The following GLUD1 variants were observed in gnomAD, a reference collection of about 807,000 sequenced individuals.
GLUD1 encodes glutamate dehydrogenase 1.
In GLUD1, 22 loss-of-function variants were observed where a neutral mutation model predicts 56.0. That is an observed-to-expected ratio of 0.39 (90% CI 0.28 to 0.56). The LOEUF is 0.56. Among genes scored for constraint, GLUD1 ranks in the 20% least tolerant of loss-of-function variants. The pLI, the probability that GLUD1 is intolerant of heterozygous loss-of-function variation, is 0.58. For missense variants in GLUD1, 451 were observed against 732.0 expected (o/e 0.62, Z 4.43); for synonymous variants, 223 against 269.9 (o/e 0.83, Z 1.70).
chr10:87,050,319 CAA>C lies in GLUD1; in HGVS notation c.*1430_*1431del, dbSNP rs769832697. ...TTCTCTGAACGTGTAAAGCACCGAA[CAA>C]AAAAAAAAAAAACAATTCAAGAATA... On this transcript the variant is annotated 3_prime_UTR_variant, in exon 13 of 13. Coordinates refer to ENST00000277865, the MANE Select transcript of GLUD1 (RefSeq NM_005271.5). Among the ~76,000 whole-genome samples the C allele has an allele frequency of 9.8e-5, 7 of 71,392 alleles. No individual in the cohort carries two copies. The highest frequency in any genetic ancestry group is 3.8e-4 in the Admixed American group (3 of 7,822). 46.8% of individuals were successfully genotyped at this position (71,392 alleles called of 152,430 possible). A position where few individuals can be genotyped will look rare whatever the true frequency, so the allele number is the denominator to read the frequency against.
intron 12 of GLUD1, among the ~76,000 whole-genome samples, chr10:87,052,389 G>A (rs887999046): frequency 6.6e-6 from 1 of 152,104 alleles, no homozygotes; most frequent in Non-Finnish European, 1.5e-5. Flanking sequence ...TCGGGAGACT[G>A]AGGAAGGAGA....
At chr10:87,083,043 C>A (rs981943364) in intron 1 of GLUD1, among the ~76,000 whole-genome samples, 2 of 152,064 alleles carry the variant, frequency 1.3e-5, no homozygotes, top group African/African-American at 4.8e-5. Context: ...GAGTTTGAGA[C>A]CAGCTTGGCC....
intron 1 of GLUD1, chr10:87,089,790 T>C: frequency 2.3e-6 from 2 of 858,816 alleles, no homozygotes; most frequent in Non-Finnish European, 2.8e-6. Context: ...TTTCTGCCTC[T>C]GGAAAGGGGA....
chr10:87,064,104 A>C (rs1285414771), intron 5 of GLUD1, among the ~76,000 whole-genome samples: 5 of 152,062 alleles, frequency 3.3e-5, no homozygotes, highest in Non-Finnish European at 4.4e-5. Flanking sequence ...TTTAGTAGAG[A>C]GTAACATCCT....
intron 1 of GLUD1, among the ~76,000 whole-genome samples, chr10:87,078,536 C>T (rs927911474): frequency 3.8e-4 from 58 of 152,278 alleles, no homozygotes; most frequent in African/African-American, 1.4e-3. Flanking sequence ...TGCTTTAATT[C>T]CTGGTTCCTA....
intron 1 of GLUD1, among the ~76,000 whole-genome samples, chr10:87,086,599 G>A (rs1354372674): frequency 1.1e-4 from 16 of 151,746 alleles, no homozygotes; most frequent in Middle Eastern, 3.4e-3. Flanking sequence ...CGAGGCGGGC[G>A]GATCATGAGG....
intron 6 of GLUD1, 58 bp from the exon 7 acceptor site, chr10:87,061,110 G>A (rs907769371): frequency 4.8e-6 from 7 of 1,471,702 alleles, no homozygotes; most frequent in Admixed American, 3.3e-5. Flanking sequence ...GACAGCAAGA[G>A]TCATATTTTG....
rs1841630629 is a variant in GLUD1 at position 87,094,038 on chromosome 10, C to G, written c.445+287G>C. 1.3e-6 allele frequency: 2 copies of G among 1,495,914 alleles called. No homozygotes were observed. The highest frequency in any genetic ancestry group is 1.8e-6 in the Non-Finnish European group (2 of 1,121,518). 92.7% of individuals were successfully genotyped at this position (1,495,914 alleles called of 1,614,324 possible). ...CCGTGTGTGACACAGACACCGGGAC[C>G]AAAAGGAGACCGGTGCAGCGTCTAC... is the stretch of plus-strand genomic sequence containing the variant. On this transcript the variant is annotated intron_variant, in intron 1 of 12. Coordinates refer to ENST00000277865, the MANE Select transcript of GLUD1 (RefSeq NM_005271.5). This position sits in a 1 kb window ranked among gnomAD's most constrained non-coding sequence, Gnocchi z 6.6.
At position 87,059,175 on chromosome 10, in the gene GLUD1, T is replaced by C; in HGVS notation, c.1377A>G (p.Glu459=). Residue 459 remains glutamate, a synonymous_variant, in exon 10 of 13, where the codon GAA becomes GAG. Coordinates refer to ENST00000277865, the MANE Select transcript of GLUD1 (RefSeq NM_005271.5). ...TGAGCAAGTGGTAGTTAGAATCCCT[T>C]TCATATTTGAAGGTCAAACGGCCAT... ...VSYGRLTFKY[E]RDSNYHLLMS... 1 of 1,613,346 alleles carries C rather than the reference T, an allele frequency of 6.2e-7. No individual in the cohort carries two copies. Among genetic ancestry groups the C allele is most frequent in the Non-Finnish European group, 8.5e-7 (1 of 1,179,992 alleles).
intron 1 of GLUD1, among the ~76,000 whole-genome samples, chr10:87,076,999 AG>A (rs1156354151): frequency 6.8e-6 from 1 of 147,734 alleles, no homozygotes; most frequent in African/African-American, 2.5e-5. Flanking sequence ...TCAAGAATTC[AG>A]GTTGCTTTTT....
chr10:87,065,024 G>C lies in GLUD1; in HGVS notation c.742-2189C>G, dbSNP rs141093057. On this transcript the variant is annotated intron_variant, in intron 5 of 12. Coordinates refer to ENST00000277865, the MANE Select transcript of GLUD1 (RefSeq NM_005271.5). Reference sequence around the variant, plus strand: ...AAAACAACTGTGTCCTTCCTTTAGGGCTTGATTTTAGATTTCTTATCACTT... The same window carrying C: ...AAAACAACTGTGTCCTTCCTTTAGGCCTTGATTTTAGATTTCTTATCACTT... 7.9e-3 allele frequency among the ~76,000 whole-genome samples: 1,204 copies of C among 152,142 alleles called. 19 individuals carry two copies. Among genetic ancestry groups the C allele is most frequent in the African/African-American group, 0.028 (1,160 of 41,516 alleles).
chr10:87,051,755 G>A lies in GLUD1; in HGVS notation c.1673C>T (p.Thr558Ile). The A allele has an allele frequency of 2.5e-6, 4 of 1,612,472 alleles. No homozygotes were observed. Among genetic ancestry groups the A allele is most frequent in the South Asian group, 1.1e-5 (1 of 91,010 alleles). Residue 558 changes from threonine to isoleucine, a missense_variant, in exon 13 of 13, where the codon ACA becomes ATA. By Grantham distance (89) the Thr-to-Ile change is moderately conservative (BLOSUM62 -1). Transcript: ENST00000277865. ...KVYNEAGVTFT is the reference protein window; with the variant it reads ...KVYNEAGVTFI ...AGGAAGTCAGCCATGATCCATCTAT[G>A]TGAAGGTCACACCAGCTTCATTGTA... is the stretch of plus-strand genomic sequence containing the variant.
At chr10:87,077,304 C>T (rs1412389940) in intron 1 of GLUD1, among the ~76,000 whole-genome samples, 1 of 152,176 alleles carries the variant, frequency 6.6e-6, no homozygotes, top group South Asian at 2.1e-4. Context: ...AGCCACTATG[C>T]CTGGCAAGAA....
At chr10:87,066,443 T>G (rs978135871) in intron 5 of GLUD1, among the ~76,000 whole-genome samples, 1 of 152,206 alleles carries the variant, frequency 6.6e-6, no homozygotes, top group African/African-American at 2.4e-5. Flanking sequence ...TTTTTTCTAC[T>G]GGCCTTTCTT....
At chr10:87,079,947 C>T (rs1390478966) in intron 1 of GLUD1, among the ~76,000 whole-genome samples, 8 of 132,194 alleles carry the variant, frequency 6.1e-5, no homozygotes, top group African/African-American at 2.6e-4. Context: ...TCTCCCTCTC[C>T]CCACGGTCTC....
chr10:87,069,192 T>G (rs1846154945), intron 4 of GLUD1, among the ~76,000 whole-genome samples: 1 of 151,988 alleles, frequency 6.6e-6, no homozygotes, highest in Non-Finnish European at 1.5e-5. Flanking sequence ...AAACTCGTTT[T>G]TACAAAACGA....
chr10:87,068,212 G>T, intron 4 of GLUD1, 55 bp from the exon 5 acceptor site: 1 of 1,043,868 alleles, frequency 9.6e-7, no homozygotes, highest in South Asian at 1.3e-5. Context: ...AATTCTTCTC[G>T]AACACAAAGA....
rs1304725894 is a variant in GLUD1, at chr10:87,074,519, C to G, written c.646+32G>C. On this transcript the variant is annotated intron_variant, in intron 4 of 12. Transcript: ENST00000277865. ...AAAAAAAAATTTTTAGATGTTCCCACTTTATACCAAAAACTATGTGGCTAC... is the reference window on the plus strand; with the variant it reads ...AAAAAAAAATTTTTAGATGTTCCCAGTTTATACCAAAAACTATGTGGCTAC... 2.2e-6 allele frequency: 3 copies of G among 1,346,214 alleles called. No homozygotes were observed. The Admixed American group carries it at 5.0e-5, about 23-fold the overall frequency. 83.4% of individuals were successfully genotyped at this position (1,346,214 alleles called of 1,614,324 possible).
intron 1 of GLUD1, among the ~76,000 whole-genome samples, chr10:87,093,319 T>C (rs572439160): frequency 3.3e-5 from 5 of 152,230 alleles, no homozygotes; most frequent in Non-Finnish European, 7.3e-5. Context: ...CTTTATTCCA[T>C]ATAATTTTTC....
Sources: allele counts gnomAD v4.1 joint callset (sites outside exome capture counted in the v4.1 genomes callset), GRCh38; gene constraint gnomAD v4.1.1; non-coding constraint Gnocchi (gnomAD v3.1); transcripts MANE v1.5; gene names NCBI Gene and HGNC (gene_info 2026-07-23, HGNC 2026-07-21).